CLEC3B: variants seen among roughly 807,000 people sequenced by gnomAD.
CLEC3B encodes the protein tetranectin.
CLEC3B carries 13 observed loss-of-function variants against 15.4 expected under a neutral mutation model. The ratio of observed to expected loss-of-function variants is 0.84; its 90% confidence interval spans 0.55 to 1.34. The LOEUF (loss-of-function observed/expected upper bound fraction) is 1.34. CLEC3B is among the 40% of genes most tolerant of loss of function. The probability of loss-of-function intolerance (pLI) is 0.00; values close to 1 mark genes in which losing one functional copy is unlikely to be tolerated. For synonymous variants in CLEC3B, 112 were observed against 114.7 expected, an observed-to-expected ratio of 0.98 and a Z score of 0.15; for missense variants, 242 against 268.6, an observed-to-expected ratio of 0.90 and a Z score of 0.69.
chr3:45,035,907 C>G lies in CLEC3B; in HGVS notation c.592C>G (p.Gln198Glu). ...CCGCGATCAGCTGCCCTACATCTGC[C>G]AGTTCGGGATCGTGTAGCCGGCGGG... ...RCRDQLPYIC[Q>E]FGIV The change falls in exon 3 of 3, where the codon CAG (glutamine) becomes GAG (glutamate). Residue 198 changes from glutamine (Q) to glutamate (E), a missense_variant. Physicochemically the swap from Gln to Glu is conservative, Grantham distance 29. Coordinates refer to ENST00000296130, the MANE Select transcript of CLEC3B (RefSeq NM_003278.3). The G allele has an allele frequency of 6.2e-7, 1 of 1,601,032 alleles. No individual in the cohort carries two copies. The highest frequency in any genetic ancestry group is 8.5e-7 in the Non-Finnish European group (1 of 1,173,700).
Position 45,035,901 on chromosome 3 carries a change from A to G in CLEC3B, c.586A>G (p.Ile196Val), listed in dbSNP as rs777482340. Residue 196 changes from isoleucine (I) to valine (V), a missense_variant, in exon 3 of 3, where the codon ATC becomes GTC. Coordinates refer to ENST00000296130, the MANE Select transcript of CLEC3B (RefSeq NM_003278.3). The part of the protein sequence containing the change: ...DKRCRDQLPY[I>V]CQFGIV ...GCGCTGCCGCGATCAGCTGCCCTAC[A>G]TCTGCCAGTTCGGGATCGTGTAGCC... is the stretch of plus-strand genomic sequence containing the variant. The G allele has an allele frequency of 6.2e-7, 1 of 1,603,754 alleles. No homozygotes were observed. The highest frequency in any genetic ancestry group is 1.1e-5 in the South Asian group (1 of 90,880).
chr3:45,029,406 A>G (rs1697525070), intron 1 of CLEC3B, among the ~76,000 whole-genome samples: 1 of 152,208 alleles, frequency 6.6e-6, no homozygotes. Flanking sequence ...CTATGCTGGT[A>G]CATCACGTGA....
At chr3:45,034,101 T>C (rs1191515498) in intron 2 of CLEC3B, among the ~76,000 whole-genome samples, 1 of 152,162 alleles carries the variant, frequency 6.6e-6, no homozygotes, top group Non-Finnish European at 1.5e-5. Context: ...GATGGCTGTC[T>C]TCTGCTGAGG....
chr3:45,035,688 G>C lies in CLEC3B; in HGVS notation c.373G>C (p.Val125Leu), dbSNP rs757632241. The C allele has an allele frequency of 1.1e-5, 18 of 1,613,706 alleles. No homozygotes were observed. The highest frequency in any genetic ancestry group is 1.4e-5 in the Non-Finnish European group (17 of 1,180,050). The part of the protein sequence containing the change: ...DALYEYLRQS[V>L]GNEAEIWLGL... ...CCTGTATGAGTACCTGCGCCAGAGC[G>C]TGGGCAACGAGGCCGAGATCTGGCT... The change falls in exon 3 of 3, where the codon GTG (valine) becomes CTG (leucine). Residue 125 changes from valine (V) to leucine (L), a missense_variant. Physicochemically the swap from Val to Leu is conservative, Grantham distance 32. Transcript: ENST00000296130.
Position 45,026,326 on chromosome 3 carries a change from C to A in CLEC3B, c.-37C>A, listed in dbSNP as rs746488621. ...CTGTCACTGCGTTCGGACCCAGACC[C>A]GCTGCAGGCAGCAGCAGCCCCCGCC... On this transcript the variant is annotated 5_prime_UTR_variant, in exon 1 of 3. Transcript: ENST00000296130. 1.3e-6 allele frequency: 2 copies of A among 1,562,448 alleles called. No individual in the cohort carries two copies. Among genetic ancestry groups the A allele is most frequent in the South Asian group, 1.1e-5 (1 of 89,118 alleles).
At chr3:45,031,427 CTGTCAGCTCCATGAAA>C in intron 2 of CLEC3B, among the ~76,000 whole-genome samples, 1 of 152,332 alleles carries the variant, frequency 6.6e-6, no homozygotes, top group Non-Finnish European at 1.5e-5. Flanking sequence ...TAAAGATGAG[CTGTCAGCTCCATGAAA>C]TGTCAGCTCC....
At chr3:45,030,363 C>A (rs1328560792) in intron 1 of CLEC3B, 4 of 343,010 alleles carry the variant, frequency 1.2e-5, no homozygotes, top group African/African-American at 6.7e-5. Flanking sequence ...CCAGGCCACC[C>A]GTGTCTGTGG....
chr3:45,033,519 G>C (rs551736918), intron 2 of CLEC3B, among the ~76,000 whole-genome samples: 3 of 152,218 alleles, frequency 2.0e-5, no homozygotes, highest in African/African-American at 7.2e-5. Context: ...TTCCCACCTG[G>C]TACATCTCTG....
chr3:45,036,061 C>A lies in CLEC3B; in HGVS notation c.*137C>A. ...TTTGCAAATAAAGTTGGTGCAGCTT[C>A]GCGGAGAGGAGAGGCGCTGCAGTCT... On this transcript the variant is annotated 3_prime_UTR_variant, in exon 3 of 3. Transcript: ENST00000296130. 1 of 1,078,540 alleles carries A rather than the reference C, an allele frequency of 9.3e-7. No homozygotes were observed. The highest frequency in any genetic ancestry group is 1.3e-6 in the Non-Finnish European group (1 of 774,328). 66.8% of individuals were successfully genotyped at this position (1,078,540 alleles called of 1,614,324 possible). A position where few individuals can be genotyped will look rare whatever the true frequency, so the allele number is the denominator to read the frequency against.
rs756022176 is a variant in CLEC3B at position 45,035,899 on chromosome 3, A to G, written c.584A>G (p.Tyr195Cys). Residue 195 changes from tyrosine (Y) to cysteine (C), a missense_variant, in exon 3 of 3, where the codon TAC becomes TGC. By Grantham distance (194) the Tyr-to-Cys change is radical (BLOSUM62 -2). Transcript: ENST00000296130. ...AAGCGCTGCCGCGATCAGCTGCCCT[A>G]CATCTGCCAGTTCGGGATCGTGTAG... ...FDKRCRDQLP[Y>C]ICQFGIV The G allele has an allele frequency of 6.2e-6, 10 of 1,604,136 alleles. No individual in the cohort carries two copies. Among genetic ancestry groups the G allele is most frequent in the Non-Finnish European group, 6.0e-6 (7 of 1,175,384 alleles).
At chr3:45,031,229 C>T (rs17077138) in intron 2 of CLEC3B, among the ~76,000 whole-genome samples, 3,789 of 152,312 alleles carry the variant, frequency 0.025, 172 homozygotes, top group African/African-American at 0.084. Flanking sequence ...CTACTGCCCA[C>T]CAGAAGTGAC....
In CLEC3B at chr3:45,035,550, A is replaced by G. The variant is rs1448665022; in HGVS notation, c.235A>G (p.Met79Val). ...TVCLKGTKVH[M>V]KCFLAFTQTK... ...CTGCCTGAAGGGGACCAAGGTGCAC[A>G]TGAAATGCTTTCTGGCCTTCACCCA... Residue 79 changes from methionine (M) to valine (V), a missense_variant, in exon 3 of 3, where the codon ATG (methionine) becomes GTG (valine). Physicochemically the swap from Met to Val is conservative, Grantham distance 21. Coordinates refer to ENST00000296130, the MANE Select transcript of CLEC3B (RefSeq NM_003278.3). The G allele has an allele frequency of 1.9e-6, 3 of 1,611,038 alleles. No homozygotes were observed. Among genetic ancestry groups the G allele is most frequent in the Non-Finnish European group, 2.5e-6 (3 of 1,177,984 alleles).
At chr3:45,030,268 TC>T (rs1231031538) in intron 1 of CLEC3B, 7 of 967,128 alleles carry the variant, frequency 7.2e-6, no homozygotes, top group Non-Finnish European at 8.6e-6. Context: ...GTTCTCTTAG[TC>T]TTCTCCAGAG....
chr3:45,035,710 G>C lies in CLEC3B; in HGVS notation c.395G>C (p.Trp132Ser). 1.2e-6 allele frequency: 2 copies of C among 1,613,884 alleles called. No individual in the cohort carries two copies. The highest frequency in any genetic ancestry group is 1.7e-6 in the Non-Finnish European group (2 of 1,180,034). Reference protein sequence around the residue: ...RQSVGNEAEIWLGLNDMAAEG... With the variant: ...RQSVGNEAEISLGLNDMAAEG... ...AGCGTGGGCAACGAGGCCGAGATCTGGCTGGGCCTCAACGACATGGCGGCC... is the reference window on the plus strand; with the variant it reads ...AGCGTGGGCAACGAGGCCGAGATCTCGCTGGGCCTCAACGACATGGCGGCC... The change falls in exon 3 of 3, where the codon TGG becomes TCG. Residue 132 changes from tryptophan (W) to serine (S), a missense_variant. Coordinates refer to ENST00000296130, the MANE Select transcript of CLEC3B (RefSeq NM_003278.3).
rs112724846 is a variant in CLEC3B, at chr3:45,027,948, G to A, written c.109+1477G>A. On this transcript the variant is annotated intron_variant, in intron 1 of 2. Coordinates refer to ENST00000296130, the MANE Select transcript of CLEC3B (RefSeq NM_003278.3). ...TTTAAACTCATGTTAAAAAAAAAAGGGTCAGAGCACGTGATGCCTTGGTTC... is the reference window on the plus strand; with the variant it reads ...TTTAAACTCATGTTAAAAAAAAAAGAGTCAGAGCACGTGATGCCTTGGTTC... 1.9e-3 allele frequency among the ~76,000 whole-genome samples: 294 copies of A among 151,978 alleles called. 5 individuals carry two copies. Among genetic ancestry groups the A allele is most frequent in the East Asian group, 0.014 (75 of 5,180 alleles).
At chr3:45,031,051 G>A (rs1697546912) in intron 2 of CLEC3B, 126 bp downstream of exon 2, 2 of 633,430 alleles carry the variant, frequency 3.2e-6, no homozygotes, top group African/African-American at 3.7e-5. Context: ...CAGGCCTATG[G>A]GTGAAGGCAC....
intron 1 of CLEC3B, among the ~76,000 whole-genome samples, 188 bp downstream of exon 1, chr3:45,026,659 TGACCCTTAGAGTTGGGAA>T (rs1374405600): frequency 6.6e-6 from 1 of 152,212 alleles, no homozygotes; most frequent in Non-Finnish European, 1.5e-5. Flanking sequence ...TAAGAATCCC[TGACCCTTAGAGTTGGGAA>T]GAACCTTCCA....
chr3:45,031,876 AGACT>A (rs1460219977), intron 2 of CLEC3B, among the ~76,000 whole-genome samples: 3 of 138,386 alleles, frequency 2.2e-5, no homozygotes, highest in African/African-American at 8.4e-5. Context: ...TGCTTGATGC[AGACT>A]CACAATACTG....
chr3:45,030,772 A>G, intron 1 of CLEC3B, 55 bp from the exon 2 acceptor site: 4 of 1,225,060 alleles, frequency 3.3e-6, no homozygotes, highest in South Asian at 1.3e-5. Flanking sequence ...CAGCTAAGGT[A>G]GGATCCTTCC....
Sources: allele counts gnomAD v4.1 joint callset (sites outside exome capture counted in the v4.1 genomes callset), GRCh38; gene constraint gnomAD v4.1.1; transcripts MANE v1.5; gene names NCBI Gene and HGNC (gene_info 2026-07-23, HGNC 2026-07-21).